The following PEX14 variants were observed in gnomAD, a reference collection of about 807,000 sequenced individuals.
The protein encoded by PEX14 is peroxisomal biogenesis factor 14.
PEX14 carries 15 observed loss-of-function variants against 49.5 expected under a neutral mutation model. That is an observed-to-expected ratio of 0.30 (90% CI 0.20 to 0.47). The LOEUF is 0.47. Ranked by LOEUF, PEX14 falls within the 20% of genes least tolerant of loss-of-function variation. The pLI, the probability that PEX14 is intolerant of heterozygous loss-of-function variation, is 1.00. For synonymous variants in PEX14, 210 were observed against 212.7 expected, an observed-to-expected ratio of 0.99 and a Z score of 0.11; for missense variants, 398 against 494.8, an observed-to-expected ratio of 0.80 and a Z score of 1.86.
intron 3 of PEX14, among the ~76,000 whole-genome samples, chr1:10,550,075 T>G (rs2124508890): frequency 6.6e-6 from 1 of 152,076 alleles, no homozygotes; most frequent in African/African-American, 2.4e-5. Flanking sequence ...AGGCCTGGGG[T>G]GGAAGCAGAC....
chr1:10,542,963 A>T (rs1009069434), intron 3 of PEX14, among the ~76,000 whole-genome samples: 1 of 152,158 alleles, frequency 6.6e-6, no homozygotes, highest in African/African-American at 2.4e-5. Context: ...TTCTTGCTTA[A>T]ATTTCATGGG....
intron 1 of PEX14, among the ~76,000 whole-genome samples, chr1:10,483,994 T>A (rs115332378): frequency 6.6e-6 from 1 of 151,486 alleles, no homozygotes; most frequent in East Asian, 1.9e-4. Flanking sequence ...ATTTGTGTTA[T>A]GGTATGTATC....
Position 10,604,301 on chromosome 1 carries a change from G to T in PEX14, c.298+4935G>T, listed in dbSNP as rs147923615. ...AAGAGCATTCCAGGCTAACACAAAAGCATATAGATGTGAAACTGATGAATT... is the reference window on the plus strand; with the variant it reads ...AAGAGCATTCCAGGCTAACACAAAATCATATAGATGTGAAACTGATGAATT... On this transcript the variant is annotated intron_variant, in intron 4 of 8. Transcript: ENST00000356607. 3.2e-4 allele frequency among the ~76,000 whole-genome samples: 49 copies of T among 152,294 alleles called. No homozygotes were observed. The East Asian group carries it at 9.5e-3, about 29-fold the overall frequency.
intron 3 of PEX14, among the ~76,000 whole-genome samples, chr1:10,574,341 T>C (rs1640062556): frequency 6.6e-6 from 1 of 152,096 alleles, no homozygotes; most frequent in South Asian, 2.1e-4. Context: ...ATGATCAGAG[T>C]TGTAGTGGCC....
At chr1:10,475,124 C>T (rs984416694) in intron 1 of PEX14, 122 bp downstream of exon 1, 6 of 922,164 alleles carry the variant, frequency 6.5e-6, no homozygotes, top group African/African-American at 3.3e-5. Context: ...CGACCTCTTG[C>T]CCCCTCCTGA....
intron 4 of PEX14, among the ~76,000 whole-genome samples, chr1:10,602,159 G>A (rs1570334615): frequency 6.6e-6 from 1 of 152,096 alleles, no homozygotes; most frequent in African/African-American, 2.4e-5. Context: ...CTGAGAAAAA[G>A]CAATACACGT....
chr1:10,556,577 C>G (rs1467115790), intron 3 of PEX14, among the ~76,000 whole-genome samples: 2 of 152,134 alleles, frequency 1.3e-5, no homozygotes, highest in East Asian at 3.9e-4. Flanking sequence ...GAAACTCTGG[C>G]TTGGCCTTAC....
At chr1:10,479,767 C>G (rs977763532) in intron 1 of PEX14, among the ~76,000 whole-genome samples, 2 of 152,192 alleles carry the variant, frequency 1.3e-5, no homozygotes, top group Non-Finnish European at 2.9e-5. Context: ...AACTTCATCA[C>G]TCACAACTAT....
intron 4 of PEX14, among the ~76,000 whole-genome samples, chr1:10,605,321 C>T (rs558873267): frequency 2.0e-5 from 3 of 152,250 alleles, no homozygotes; most frequent in Non-Finnish European, 2.9e-5. Context: ...ATGGGACCCA[C>T]CTTCAGGAGC....
At chr1:10,478,221 CA>C (rs1641229040) in intron 1 of PEX14, among the ~76,000 whole-genome samples, 1 of 152,154 alleles carries the variant, frequency 6.6e-6, no homozygotes, top group South Asian at 2.1e-4. Context: ...AATGCCAGAA[CA>C]GTGCCTGAAA....
chr1:10,578,894 A>G (rs1283703122), intron 3 of PEX14, among the ~76,000 whole-genome samples: 8 of 152,280 alleles, frequency 5.3e-5, no homozygotes, highest in African/African-American at 1.4e-4. Context: ...GAGAGGAAAA[A>G]TAGCTGGAAT....
At chr1:10,479,984 G>A (rs1177938357) in intron 1 of PEX14, among the ~76,000 whole-genome samples, 2 of 151,948 alleles carry the variant, frequency 1.3e-5, no homozygotes, top group Non-Finnish European at 2.9e-5. Flanking sequence ...ACTCCAGCCT[G>A]GGCAACAGAG....
At chr1:10,620,083 C>G (rs1211943875) in intron 5 of PEX14, among the ~76,000 whole-genome samples, 1 of 151,970 alleles carries the variant, frequency 6.6e-6, no homozygotes, top group Non-Finnish European at 1.5e-5. Flanking sequence ...CCACTGCACT[C>G]TAGCCTGGGT....
In PEX14 at chr1:10,629,529, A is replaced by G; in HGVS notation, c.678-2A>G. On this transcript the variant is annotated splice_acceptor_variant, in intron 8 of 8. Transcript: ENST00000356607. LOFTEE classifies it high-confidence loss of function. The surrounding 1 kb of genome is among the most constrained non-coding windows in gnomAD (Gnocchi z 8.5). ...AACCTCCTCCCCTTCTTCTCCCTCTAGGAGGCAGTTCCCTCCATCCCCATC... is the reference window on the plus strand; with the variant it reads ...AACCTCCTCCCCTTCTTCTCCCTCTGGGAGGCAGTTCCCTCCATCCCCATC... 6.2e-7 allele frequency: 1 copy of G among 1,604,236 alleles called. No individual in the cohort carries two copies. Among genetic ancestry groups the G allele is most frequent in the Non-Finnish European group, 8.5e-7 (1 of 1,171,712 alleles).
In PEX14 at chr1:10,630,723, A is replaced by C. The variant is rs1641902074; in HGVS notation, c.*736A>C. 1 of 152,090 alleles carries C rather than the reference A, an allele frequency of 6.6e-6. No individual in the cohort carries two copies. Among genetic ancestry groups the C allele is most frequent in the Non-Finnish European group, 1.5e-5 (1 of 68,034 alleles). 9.4% of individuals were successfully genotyped at this position (152,090 alleles called of 1,614,324 possible). A position where few individuals can be genotyped will look rare whatever the true frequency, so the allele number is the denominator to read the frequency against. ...ACCTCAGAACGGAAGATAGGACTGTATATAATTGTAATAAATACCAGTTGC... is the reference window on the plus strand; with the variant it reads ...ACCTCAGAACGGAAGATAGGACTGTCTATAATTGTAATAAATACCAGTTGC... On this transcript the variant is annotated 3_prime_UTR_variant, in exon 9 of 9. Coordinates refer to ENST00000356607, the MANE Select transcript of PEX14 (RefSeq NM_004565.3). This position sits in a 1 kb window ranked among gnomAD's most constrained non-coding sequence, Gnocchi z 4.1.
chr1:10,602,395 CT>C (rs1641012147), intron 4 of PEX14, among the ~76,000 whole-genome samples: 2 of 150,786 alleles, frequency 1.3e-5, no homozygotes, highest in African/African-American at 4.9e-5. Context: ...CACTTCTGTA[CT>C]TTTGCCAAGA....
At chr1:10,508,619 G>C (rs1641830970) in intron 2 of PEX14, among the ~76,000 whole-genome samples, 2 of 152,206 alleles carry the variant, frequency 1.3e-5, no homozygotes, top group South Asian at 4.1e-4. Flanking sequence ...GAATGCTCCT[G>C]CCTGCCAGAT....
In PEX14 at chr1:10,608,437, G is replaced by A. The variant is rs566512741; in HGVS notation, c.298+9071G>A. On this transcript the variant is annotated intron_variant, in intron 4 of 8. Transcript: ENST00000356607. ...AGCACTTTGGGAGGCCAAGGTGGGC[G>A]GATTGCCTGAGCTCAGGAGTTCGAG... 7.2e-5 allele frequency among the ~76,000 whole-genome samples: 11 copies of A among 152,234 alleles called. 1 individual carries two copies. The South Asian group carries it at 1.9e-3, about 26-fold the overall frequency.
intron 3 of PEX14, 49 bp downstream of exon 3, chr1:10,536,346 C>T: frequency 2.6e-6 from 3 of 1,161,502 alleles, no homozygotes; most frequent in Non-Finnish European, 3.9e-6. Flanking sequence ...GGGACTGGGG[C>T]TGGGGCAGAT....
Sources: allele counts gnomAD v4.1 joint callset (sites outside exome capture counted in the v4.1 genomes callset), GRCh38; gene constraint gnomAD v4.1.1; non-coding constraint Gnocchi (gnomAD v3.1); transcripts MANE v1.5; gene names NCBI Gene and HGNC (gene_info 2026-07-23, HGNC 2026-07-21).